Variants in TASP1 observed in about 807,000 individuals in gnomAD.
The protein encoded by TASP1 is threonine aspartase 1.
A neutral mutation model predicts 56.6 loss-of-function variants in TASP1; 16 were observed. That is an observed-to-expected ratio of 0.28 (90% CI 0.19 to 0.43). The LOEUF is 0.43. Ranked by LOEUF, TASP1 falls within the 20% of genes least tolerant of loss-of-function variation. TASP1 has a pLI of 1.00. For synonymous variants in TASP1, 179 were observed against 184.2 expected, an observed-to-expected ratio of 0.97 and a Z score of 0.23; for missense variants, 393 against 511.6, an observed-to-expected ratio of 0.77 and a Z score of 2.24.
At chr20:13,636,291 G>A (rs977076596) in intron 1 of TASP1, among the ~76,000 whole-genome samples, 5 of 150,774 alleles carry the variant, frequency 3.3e-5, no homozygotes, top group Admixed American at 1.3e-4. Context: ...AATTACAGGC[G>A]CAGGCCACCA....
chr20:13,541,466 A>G (rs928229735), intron 8 of TASP1, among the ~76,000 whole-genome samples: 4 of 152,274 alleles, frequency 2.6e-5, no homozygotes, highest in East Asian at 1.9e-4. Context: ...ACTTAACACT[A>G]CAACCTGTCC....
chr20:13,277,517 TC>T, the TASP1 span, among the ~76,000 whole-genome samples: 33 of 152,324 alleles, frequency 2.2e-4, no homozygotes, highest in East Asian at 6.2e-3. Context: ...GTGCTCCTTC[TC>T]CACTTGTCTT....
intron 11 of TASP1, among the ~76,000 whole-genome samples, chr20:13,437,760 T>C (rs1398974293): frequency 6.6e-6 from 1 of 152,184 alleles, no homozygotes; most frequent in Non-Finnish European, 1.5e-5. Flanking sequence ...CCATTCACAA[T>C]TGCTTCAGAG....
At chr20:13,602,072 G>C (rs754537942) in intron 4 of TASP1, among the ~76,000 whole-genome samples, 3 of 151,530 alleles carry the variant, frequency 2.0e-5, no homozygotes, top group Non-Finnish European at 2.9e-5. Flanking sequence ...GTAGAGATGG[G>C]GTTTCACTGT....
chr20:13,272,270 G>T, the TASP1 span, among the ~76,000 whole-genome samples: 1 of 152,204 alleles, frequency 6.6e-6, no homozygotes, highest in Non-Finnish European at 1.5e-5. Context: ...TACGGTTTTA[G>T]ATCAGGTTTC....
the TASP1 span, among the ~76,000 whole-genome samples, chr20:13,105,455 C>T: frequency 6.6e-6 from 1 of 151,920 alleles, no homozygotes; most frequent in Non-Finnish European, 1.5e-5. Context: ...TAAAACACAG[C>T]GCGGCCACCG....
At chr20:13,145,719 A>G in the TASP1 span, among the ~76,000 whole-genome samples, 1 of 152,222 alleles carries the variant, frequency 6.6e-6, no homozygotes, top group Non-Finnish European at 1.5e-5. Flanking sequence ...TGGAGGCATC[A>G]TGTTACCCAA....
chr20:13,549,873 T>C lies in TASP1; in HGVS notation c.675+9135A>G, dbSNP rs1333661387. Reference sequence around the variant, plus strand: ...TTAAATACTCAAAATTTAGGAAGAATTTACAAGGCCGACAATATCTGATGT... The same window carrying C: ...TTAAATACTCAAAATTTAGGAAGAACTTACAAGGCCGACAATATCTGATGT... On this transcript the variant is annotated intron_variant, in intron 8 of 13. Coordinates refer to ENST00000337743, the MANE Select transcript of TASP1 (RefSeq NM_017714.3). Among the ~76,000 whole-genome samples, 3 of 152,098 alleles carry C rather than the reference T, an allele frequency of 2.0e-5. No homozygotes were observed. The East Asian group carries it at 5.8e-4, about 29-fold the overall frequency.
At chr20:13,205,361 G>A in the TASP1 span, among the ~76,000 whole-genome samples, 3 of 151,934 alleles carry the variant, frequency 2.0e-5, no homozygotes, top group South Asian at 2.1e-4. Flanking sequence ...TTCAAATGTC[G>A]CCTCCCCAGA....
the TASP1 span, among the ~76,000 whole-genome samples, chr20:13,277,981 C>T: frequency 0.27 from 40,505 of 152,076 alleles, 5,671 homozygotes; most frequent in African/African-American, 0.35. Context: ...GGGATGGGCA[C>T]GCCCTGGTGC....
the TASP1 span, among the ~76,000 whole-genome samples, chr20:13,297,509 G>T: frequency 1.3e-5 from 2 of 152,158 alleles, no homozygotes; most frequent in South Asian, 4.1e-4. Context: ...CCCAAACTAA[G>T]ACATTCACTA....
At chr20:13,620,340 TCCCCA>T (rs1432833917) in intron 4 of TASP1, among the ~76,000 whole-genome samples, 4 of 151,220 alleles carry the variant, frequency 2.6e-5, no homozygotes. Context: ...CTCTTCCTCT[TCCCCA>T]TGCATGGAGT....
At chr20:13,211,905 T>G in the TASP1 span, among the ~76,000 whole-genome samples, 1 of 152,136 alleles carries the variant, frequency 6.6e-6, no homozygotes, top group African/African-American at 2.4e-5. Flanking sequence ...CGCCCTTGAT[T>G]TTTTCTTCTT....
At chr20:13,506,752 A>G (rs1481605587) in intron 10 of TASP1, among the ~76,000 whole-genome samples, 1 of 152,140 alleles carries the variant, frequency 6.6e-6, no homozygotes, top group East Asian at 1.9e-4. Context: ...CCTCAACACA[A>G]TAAAGACCTC....
chr20:13,299,618 A>T, the TASP1 span: 1 of 732,498 alleles, frequency 1.4e-6, no homozygotes, highest in South Asian at 2.1e-5. The surrounding 1 kb of genome is among the most constrained non-coding windows in gnomAD (Gnocchi z 5.8). Flanking sequence ...GGCGTGTGCC[A>T]CGCCCAGGGG....
chr20:13,421,933 T>C (rs1022449229), intron 12 of TASP1, among the ~76,000 whole-genome samples: 1 of 151,998 alleles, frequency 6.6e-6, no homozygotes, highest in East Asian at 1.9e-4. Flanking sequence ...AACCTTATTT[T>C]ATATGTGTTT....
chr20:13,134,122 G>T, the TASP1 span, among the ~76,000 whole-genome samples: 1 of 152,186 alleles, frequency 6.6e-6, no homozygotes, highest in African/African-American at 2.4e-5. Flanking sequence ...CACAGGTGCA[G>T]CTACCATATA....
chr20:13,147,351 T>C, the TASP1 span, among the ~76,000 whole-genome samples: 2 of 152,222 alleles, frequency 1.3e-5, no homozygotes, highest in African/African-American at 2.4e-5. Context: ...GTGATTCTTA[T>C]GATTCTTGCT....
At chr20:13,420,022 G>A (rs561977047) in intron 12 of TASP1, among the ~76,000 whole-genome samples, 3 of 152,284 alleles carry the variant, frequency 2.0e-5, no homozygotes, top group Admixed American at 6.5e-5. Context: ...CTAGAGTAGT[G>A]ACAATACATT....
Sources: gnomAD v4.1 joint callset for allele counts (sites outside exome capture counted in the v4.1 genomes callset) on GRCh38, gnomAD v4.1.1 for gene constraint, Gnocchi (gnomAD v3.1) non-coding constraint, MANE v1.5 for transcripts, NCBI Gene and HGNC (gene_info 2026-07-23, HGNC 2026-07-21) for gene names.